KCNJ5: variants seen among roughly 807,000 people sequenced by gnomAD.
KCNJ5 encodes the protein G protein-activated inward rectifier potassium channel 4.
A neutral mutation model predicts 20.2 loss-of-function variants in KCNJ5; 12 were observed. That is an observed-to-expected ratio of 0.59 (90% CI 0.38 to 0.96). The LOEUF (loss-of-function observed/expected upper bound fraction) is 0.96. KCNJ5 is among the 40% of genes least tolerant of loss of function. The pLI is 0.00. For missense variants in KCNJ5, 449 were observed against 557.6 expected (o/e 0.81, Z 1.96); for synonymous variants, 210 against 213.9 (o/e 0.98, Z 0.16).
chr11:128,909,651 G>A lies in KCNJ5; in HGVS notation c.-10-1613G>A, dbSNP rs2135997195. Among the ~76,000 whole-genome samples, 2 of 152,304 alleles carry A rather than the reference G, an allele frequency of 1.3e-5. 1 individual carries two copies. Among genetic ancestry groups the A allele is most frequent in the South Asian group, 4.1e-4 (2 of 4,828 alleles). On this transcript the variant is annotated intron_variant, in intron 1 of 2. Coordinates refer to ENST00000529694, the MANE Select transcript of KCNJ5 (RefSeq NM_000890.5). ...GCCAGGGAATGTTTCCAGGGCTCAG[G>A]CCTGCAGGAAAAGACATGCAGCTGG...
chr11:128,907,259 T>C (rs1358261353), intron 1 of KCNJ5, among the ~76,000 whole-genome samples: 3 of 152,008 alleles, frequency 2.0e-5, no homozygotes, highest in Non-Finnish European at 4.4e-5. Context: ...GGAGACTGAG[T>C]CTGTGAAAAG....
chr11:128,912,057 GA>G lies in KCNJ5; in HGVS notation c.785del (p.Asp262AlafsTer13). On this transcript the variant is annotated frameshift_variant, in exon 2 of 3. Coordinates refer to ENST00000529694, the MANE Select transcript of KCNJ5 (RefSeq NM_000890.5). LOFTEE classifies it high-confidence loss of function. ...LNQTDINVGF[D>X]TGDDRLFLVS... ...CCAGACAGACATCAACGTGGGCTTT[GA>G]CACGGGCGACGACCGCCTCTTCCTT... 1 of 1,613,976 alleles carries G rather than the reference GA, an allele frequency of 6.2e-7. No homozygotes were observed. The highest frequency in any genetic ancestry group is 1.1e-5 in the South Asian group (1 of 91,068).
In KCNJ5 at chr11:128,916,620, C is replaced by T. The variant is rs143219149; in HGVS notation, c.1149C>T (p.Pro383=). 1.3e-4 allele frequency: 208 copies of T among 1,613,986 alleles called. No homozygotes were observed. In the African/African-American group the frequency reaches 2.6e-3, roughly 20 times the overall value. Residue 383 remains proline (P), a synonymous_variant, in exon 3 of 3, where the codon CCC becomes CCT. Transcript: ENST00000529694. ...EGRLLQYLPS[P]PLLGGCAEAG... is the part of the protein sequence containing the mutation. ...GGCTCCTCCAGTACCTCCCCAGCCCCCCACTGCTGGGGGGCTGTGCTGAGG... is the reference window on the plus strand; with the variant it reads ...GGCTCCTCCAGTACCTCCCCAGCCCTCCACTGCTGGGGGGCTGTGCTGAGG...
At chr11:128,892,720 T>A (rs529253200) in intron 1 of KCNJ5, among the ~76,000 whole-genome samples, 51 of 152,306 alleles carry the variant, frequency 3.3e-4, no homozygotes, top group African/African-American at 1.1e-3. Flanking sequence ...AAAATGTGCC[T>A]CGTTTTCATC....
At chr11:128,907,437 A>G (rs1944436993) in intron 1 of KCNJ5, among the ~76,000 whole-genome samples, 1 of 152,204 alleles carries the variant, frequency 6.6e-6, no homozygotes, top group Non-Finnish European at 1.5e-5. Flanking sequence ...GTCCATCTAA[A>G]TGGATGTCAC....
chr11:128,897,351 G>C (rs1354700590), intron 1 of KCNJ5, among the ~76,000 whole-genome samples: 2 of 151,990 alleles, frequency 1.3e-5, no homozygotes, highest in Non-Finnish European at 2.9e-5. Flanking sequence ...GCCCACCTCG[G>C]CCTCCCAAAA....
chr11:128,897,823 A>G (rs765498039), intron 1 of KCNJ5, among the ~76,000 whole-genome samples: 1 of 152,260 alleles, frequency 6.6e-6, no homozygotes, highest in Non-Finnish European at 1.5e-5. Context: ...TAACTTTGGT[A>G]TAAAGTCTGA....
chr11:128,912,353 G>A, intron 2 of KCNJ5, 143 bp downstream of exon 2: 1 of 743,314 alleles, frequency 1.3e-6, no homozygotes, highest in Middle Eastern at 3.6e-4. Context: ...ATTGTGGTTT[G>A]AGGGGTACTG....
intron 1 of KCNJ5, chr11:128,901,305 C>G (rs1417006526): frequency 6.6e-6 from 1 of 152,230 alleles, no homozygotes; most frequent in African/African-American, 2.4e-5. Context: ...ATAATGGACA[C>G]ATTACACTTA....
At chr11:128,892,357 G>A (rs551683939) in intron 1 of KCNJ5, among the ~76,000 whole-genome samples, 1 of 152,198 alleles carries the variant, frequency 6.6e-6, no homozygotes. Flanking sequence ...CTTCAAGTCA[G>A]TGCTTCTCCC....
At chr11:128,905,207 C>CGT (rs1322279039) in intron 1 of KCNJ5, among the ~76,000 whole-genome samples, 23 of 152,302 alleles carry the variant, frequency 1.5e-4, no homozygotes, top group Non-Finnish European at 3.1e-4. Context: ...CTCCCCACGC[C>CGT]CGTTCCCTGG....
intron 1 of KCNJ5, among the ~76,000 whole-genome samples, chr11:128,909,027 G>T (rs1034805660): frequency 6.6e-6 from 1 of 152,234 alleles, no homozygotes; most frequent in African/African-American, 2.4e-5. Flanking sequence ...ACATGAAGGA[G>T]CAGGAAGCAG....
At chr11:128,916,162 T>G (rs1944577348) in intron 2 of KCNJ5, among the ~76,000 whole-genome samples, 1 of 131,590 alleles carries the variant, frequency 7.6e-6, no homozygotes, top group African/African-American at 2.8e-5. Flanking sequence ...CTTTGCCCTT[T>G]CCTGCCTTTT....
rs1028272005 is a variant in KCNJ5, at chr11:128,902,013, C to G, written c.-10-9251C>G. The G allele has an allele frequency of 4.3e-5, 7 of 164,550 alleles. No homozygotes were observed. The South Asian group carries it at 1.1e-3, about 25-fold the overall frequency. 10.2% of individuals were successfully genotyped at this position (164,550 alleles called of 1,614,324 possible). On this transcript the variant is annotated intron_variant, in intron 1 of 2. Coordinates refer to ENST00000529694, the MANE Select transcript of KCNJ5 (RefSeq NM_000890.5). ...CCTTGCCCTGATTCTAGCCCTCAGC[C>G]CCCACGCACAGCCACCGGCGACTCT...
chr11:128,908,924 T>G (rs1184298955), intron 1 of KCNJ5, among the ~76,000 whole-genome samples: 2 of 152,182 alleles, frequency 1.3e-5, no homozygotes, highest in African/African-American at 4.8e-5. Flanking sequence ...GGATGAAGTC[T>G]CCCACTTAAG....
intron 1 of KCNJ5, among the ~76,000 whole-genome samples, chr11:128,908,625 T>C (rs1184002315): frequency 6.6e-6 from 1 of 152,228 alleles, no homozygotes; most frequent in Non-Finnish European, 1.5e-5. Flanking sequence ...TACAAGAATG[T>C]ATGCAAGTAT....
At chr11:128,903,618 G>A (rs895038351) in intron 1 of KCNJ5, 6 of 1,221,632 alleles carry the variant, frequency 4.9e-6, no homozygotes, top group Non-Finnish European at 5.8e-6. Flanking sequence ...CAGACCTTCA[G>A]AGAGTGACGG....
intron 1 of KCNJ5, among the ~76,000 whole-genome samples, chr11:128,899,063 T>C (rs1944222692): frequency 3.9e-5 from 6 of 152,218 alleles, no homozygotes; most frequent in Non-Finnish European, 8.8e-5. Context: ...TTTGTCTATC[T>C]CCTCTTTCTT....
At chr11:128,895,433 G>C (rs1320317223) in intron 1 of KCNJ5, among the ~76,000 whole-genome samples, 1 of 148,642 alleles carries the variant, frequency 6.7e-6, no homozygotes, top group Admixed American at 6.8e-5. Context: ...TTGGTGCCTG[G>C]AACCCTGGGC....
Sources: allele counts gnomAD v4.1 joint callset (sites outside exome capture counted in the v4.1 genomes callset), GRCh38; gene constraint gnomAD v4.1.1; transcripts MANE v1.5; gene names NCBI Gene and HGNC (gene_info 2026-07-23, HGNC 2026-07-21).